TBC1D32: variants seen among roughly 807,000 people sequenced by gnomAD.
TBC1D32 encodes TBC1 domain family member 32.
Under a neutral mutation model 170.3 loss-of-function variants are expected in TBC1D32, and 151 were observed. The observed-to-expected ratio is 0.89, with a 90% CI of 0.78 to 1.01. The LOEUF (loss-of-function observed/expected upper bound fraction) is 1.01, where lower values mean the gene tolerates loss of function less well. TBC1D32 is among the 50% of genes least tolerant of loss of function. The pLI, the probability that TBC1D32 is intolerant of heterozygous loss-of-function variation, is 0.00. For missense variants in TBC1D32, 1,464 were observed against 1,457.1 expected (o/e 1.00, Z -0.08); for synonymous variants, 498 against 488.0 (o/e 1.02, Z -0.27).
intron 24 of TBC1D32, among the ~76,000 whole-genome samples, chr6:121,148,496 T>C (rs1275992830): frequency 1.3e-5 from 2 of 152,210 alleles, no homozygotes; most frequent in Non-Finnish European, 2.9e-5. Flanking sequence ...TCTGGGTATA[T>C]ACACACTAAT....
At chr6:121,151,345 A>G (rs188779035) in intron 24 of TBC1D32, among the ~76,000 whole-genome samples, 1 of 152,202 alleles carries the variant, frequency 6.6e-6, no homozygotes, top group East Asian at 1.9e-4. Context: ...TTCTAATTTG[A>G]TTGCACTGTG....
In TBC1D32 at chr6:121,239,151, A is replaced by G; in HGVS notation, c.2283T>C (p.Asn761=). 1.2e-6 allele frequency: 2 copies of G among 1,602,928 alleles called. No homozygotes were observed. Among genetic ancestry groups the G allele is most frequent in the African/African-American group, 2.7e-5 (2 of 74,884 alleles). Residue 761 remains asparagine, a synonymous_variant, in exon 20 of 32, where the codon AAT becomes AAC. Transcript: ENST00000398212. ...INELITELWS[N]LEYGRDDVRV... The stretch of plus-strand genomic sequence containing the variant: ...TAACATCATCTCTTCCATATTCCAG[A>G]TTGGACCATAATTCAGTTATAAGTT...
intron 17 of TBC1D32, among the ~76,000 whole-genome samples, chr6:121,254,842 A>T (rs1798759271): frequency 6.6e-6 from 1 of 152,130 alleles, no homozygotes; most frequent in African/African-American, 2.4e-5. Context: ...TATCCTACTG[A>T]TATCTGTAAA....
At chr6:121,252,654 T>C (rs1370976145) in intron 17 of TBC1D32, among the ~76,000 whole-genome samples, 1 of 152,074 alleles carries the variant, frequency 6.6e-6, no homozygotes, top group Non-Finnish European at 1.5e-5. Flanking sequence ...GGTTGATGGG[T>C]GCAGCAAACC....
rs539157176 is a variant in TBC1D32, at chr6:121,198,006, C to T, written c.2570+7069G>A. Among the ~76,000 whole-genome samples the T allele has an allele frequency of 5.3e-5, 8 of 151,870 alleles. No individual in the cohort carries two copies. The East Asian group carries it at 5.8e-4, about 11-fold the overall frequency. ...CCTCCCAGCCTACATCTTTCTCCTG[C>T]GCTGGATGCTTCCTGCCCTTGAACA... On this transcript the variant is annotated intron_variant, in intron 22 of 31. Coordinates refer to ENST00000398212, the MANE Select transcript of TBC1D32 (RefSeq NM_152730.6).
chr6:121,110,266 T>A lies in TBC1D32; in HGVS notation c.3324+2239A>T, dbSNP rs540817342. On this transcript the variant is annotated intron_variant, in intron 29 of 31. Coordinates refer to ENST00000398212, the MANE Select transcript of TBC1D32 (RefSeq NM_152730.6). Reference sequence around the variant, plus strand: ...ACTCTGTCTCAAAAAAAAAAAAATTTTATATATATATATAAAAATATATAA... The same window carrying A: ...ACTCTGTCTCAAAAAAAAAAAAATTATATATATATATATAAAAATATATAA... Among the ~76,000 whole-genome samples, 93 of 144,028 alleles carry A rather than the reference T, an allele frequency of 6.5e-4. 3 individuals carry two copies. In the East Asian group the frequency reaches 8.2e-3, roughly 13 times the overall value. The allele number at this position is 144,028 out of a possible 152,430, so 94.5% of individuals were successfully genotyped here.
chr6:121,092,724 G>A (rs1776959800), intron 30 of TBC1D32, among the ~76,000 whole-genome samples: 1 of 152,040 alleles, frequency 6.6e-6, no homozygotes, highest in Non-Finnish European at 1.5e-5. Context: ...ACATGTCTGT[G>A]TCCCAATTTC....
At chr6:121,307,724 G>C (rs140988714) in intron 5 of TBC1D32, among the ~76,000 whole-genome samples, 57 of 152,214 alleles carry the variant, frequency 3.7e-4, no homozygotes, top group African/African-American at 1.3e-3. Flanking sequence ...GCCAGGCTTG[G>C]TGGTGGCATG....
intron 22 of TBC1D32, among the ~76,000 whole-genome samples, chr6:121,202,545 C>T (rs1394369817): frequency 2.0e-5 from 3 of 151,138 alleles, no homozygotes; most frequent in South Asian, 4.1e-4. Flanking sequence ...TGAGTAAATA[C>T]GGGTGAGCAA....
intron 31 of TBC1D32, among the ~76,000 whole-genome samples, chr6:121,087,011 C>T (rs1342803673): frequency 1.3e-5 from 2 of 152,116 alleles, no homozygotes; most frequent in African/African-American, 2.4e-5. Context: ...TTTAGAATTC[C>T]GGGCCCAAGG....
chr6:121,110,967 GA>G lies in TBC1D32; in HGVS notation c.3324+1537del, dbSNP rs1311190793. On this transcript the variant is annotated intron_variant, in intron 29 of 31. Transcript: ENST00000398212. ...ATTGAAAAGAAAAAATGATGCTATG[GA>G]AGGCACTGCATTAAGTCTTCACTGA... is the stretch of plus-strand genomic sequence containing the variant. Among the ~76,000 whole-genome samples the G allele has an allele frequency of 4.6e-5, 7 of 151,942 alleles. No individual in the cohort carries two copies. In the East Asian group the frequency reaches 1.4e-3, roughly 29 times the overall value.
At chr6:121,153,645 T>C (rs1285152896) in intron 24 of TBC1D32, among the ~76,000 whole-genome samples, 3 of 152,108 alleles carry the variant, frequency 2.0e-5, no homozygotes, top group African/African-American at 7.2e-5. Flanking sequence ...GTTTTATCTA[T>C]AAGCCCCTGA....
intron 22 of TBC1D32, among the ~76,000 whole-genome samples, chr6:121,161,877 G>A (rs1340675363): frequency 6.6e-6 from 1 of 152,116 alleles, no homozygotes; most frequent in African/African-American, 2.4e-5. Flanking sequence ...TAGCCATTCT[G>A]ACTGGTGCGA....
Position 121,279,145 on chromosome 6 carries a change from G to A in TBC1D32, c.1709C>T (p.Ala570Val), listed in dbSNP as rs1477250970. 6.2e-7 allele frequency: 1 copy of A among 1,605,490 alleles called. No homozygotes were observed. The highest frequency in any genetic ancestry group is 1.3e-5 in the African/African-American group (1 of 74,476). Residue 570 changes from alanine to valine, a missense_variant, in exon 15 of 32, where the codon GCA becomes GTA. Ala to Val is a moderately conservative substitution (Grantham distance 64, BLOSUM62 0). This residue lies in a region of TBC1D32 where 1,363 missense variants were observed against 1,338.1 expected (regional missense o/e 1.02). Coordinates refer to ENST00000398212, the MANE Select transcript of TBC1D32 (RefSeq NM_152730.6). Reference sequence around the variant, plus strand: ...CCTTTCTTCAGAAGAGTTCATATTTGCTCCATAAAGGAGTAAAATAAGCCC... The same window carrying A: ...CCTTTCTTCAGAAGAGTTCATATTTACTCCATAAAGGAGTAAAATAAGCCC... ...EEGLILLLYG[A>V]NMNSSEESPT...
intron 22 of TBC1D32, among the ~76,000 whole-genome samples, chr6:121,189,590 T>A (rs1400124196): frequency 6.6e-6 from 1 of 152,060 alleles, no homozygotes; most frequent in Non-Finnish European, 1.5e-5. Context: ...TTGTAACATG[T>A]TTGATTCTAG....
chr6:121,215,890 T>G (rs996627358), intron 21 of TBC1D32, among the ~76,000 whole-genome samples: 55 of 152,348 alleles, frequency 3.6e-4, no homozygotes, highest in African/African-American at 1.3e-3. Context: ...AGAACACTTA[T>G]GCACTATTGC....
intron 24 of TBC1D32, among the ~76,000 whole-genome samples, chr6:121,154,043 A>AAAG (rs1554252771): frequency 6.6e-6 from 1 of 150,986 alleles, no homozygotes; most frequent in African/African-American, 2.4e-5. Context: ...AGGGTACAAA[A>AAAG]AAAAAAAAAA....
chr6:121,080,409 T>C lies in TBC1D32; in HGVS notation c.*362A>G. The stretch of plus-strand genomic sequence containing the variant: ...TTCAGTATTGTTAGCAGAGACGAGG[T>C]TTCACCATTTTGGCCAGGATGGTCT... On this transcript the variant is annotated 3_prime_UTR_variant, in exon 32 of 32. Coordinates refer to ENST00000398212, the MANE Select transcript of TBC1D32 (RefSeq NM_152730.6). The C allele has an allele frequency of 3.7e-6, 1 of 271,962 alleles. No homozygotes were observed. The highest frequency in any genetic ancestry group is 7.7e-6 in the Non-Finnish European group (1 of 129,744). The allele number at this position is 271,962 out of a possible 1,614,324, so 16.8% of individuals were successfully genotyped here.
At chr6:121,251,934 AT>A (rs1484084769) in intron 17 of TBC1D32, among the ~76,000 whole-genome samples, 2 of 149,576 alleles carry the variant, frequency 1.3e-5, no homozygotes, top group East Asian at 3.8e-4. Flanking sequence ...CAACAAACAT[AT>A]GAAACATATT....
Sources: allele counts gnomAD v4.1 joint callset (sites outside exome capture counted in the v4.1 genomes callset), GRCh38; gene constraint gnomAD v4.1.1; regional missense constraint gnomAD v4.1.1; transcripts MANE v1.5; gene names NCBI Gene and HGNC (gene_info 2026-07-23, HGNC 2026-07-21).